TBC1D9: variants seen among roughly 807,000 people sequenced by gnomAD.
The protein encoded by TBC1D9 is TBC1 domain family member 9, also known as TBC1 domain family member 9A.
In TBC1D9, 63 loss-of-function variants were observed where a neutral mutation model predicts 132.0. The ratio of observed to expected loss-of-function variants is 0.48; its 90% CI spans 0.39 to 0.59. TBC1D9 has a LOEUF of 0.59. TBC1D9 is among the 20% of genes least tolerant of loss of function. The pLI, the probability that TBC1D9 is intolerant of heterozygous loss-of-function variation, is 0.00. For missense variants in TBC1D9, 1,261 were observed against 1,592.7 expected (o/e 0.79, Z 3.54); for synonymous variants, 610 against 609.9 (o/e 1.00, Z 0.00).
At chr4:140,721,302 G>A (rs1375142490) in intron 1 of TBC1D9, among the ~76,000 whole-genome samples, 1 of 152,130 alleles carries the variant, frequency 6.6e-6, no homozygotes, top group Non-Finnish European at 1.5e-5. Flanking sequence ...AGCTAACAGT[G>A]GTGACCTTAC....
At chr4:140,642,953 C>T (rs1042542234) in intron 13 of TBC1D9, 2 of 642,290 alleles carry the variant, frequency 3.1e-6, no homozygotes, top group Non-Finnish European at 5.4e-6. Flanking sequence ...GCTGCTTCTC[C>T]TTGTACTGGT....
intron 13 of TBC1D9, chr4:140,643,016 C>G: frequency 1.2e-6 from 1 of 855,780 alleles, no homozygotes; most frequent in Admixed American, 2.6e-5. Context: ...CGTCCATGTC[C>G]TCCACGGAGG....
chr4:140,642,373 TG>T (rs1737016618), intron 13 of TBC1D9: 3 of 844,158 alleles, frequency 3.6e-6, no homozygotes, highest in Non-Finnish European at 4.0e-6. Context: ...TTACCTTCTC[TG>T]GAAGATTTCA....
At chr4:140,668,774 C>T (rs1737487360) in intron 9 of TBC1D9, 143 bp downstream of exon 9, 1 of 860,960 alleles carries the variant, frequency 1.2e-6, no homozygotes, top group Non-Finnish European at 1.7e-6. Context: ...AACTTCAATA[C>T]TCTGGTGAGG....
chr4:140,712,940 G>A (rs1246794252), intron 1 of TBC1D9, among the ~76,000 whole-genome samples: 1 of 152,078 alleles, frequency 6.6e-6, no homozygotes, highest in East Asian at 1.9e-4. Context: ...ACCGGTTACA[G>A]GGAGAAGGCC....
chr4:140,724,073 A>G (rs1159753529), intron 1 of TBC1D9, among the ~76,000 whole-genome samples: 1 of 152,178 alleles, frequency 6.6e-6, no homozygotes, highest in African/African-American at 2.4e-5. Flanking sequence ...CTTCTCAACT[A>G]TTGAGGTGGC....
intron 1 of TBC1D9, among the ~76,000 whole-genome samples, chr4:140,708,780 G>GT (rs1348893022): frequency 6.6e-6 from 1 of 152,188 alleles, no homozygotes; most frequent in African/African-American, 2.4e-5. Context: ...TGTTCTATGG[G>GT]TAAGGAGGTG....
chr4:140,729,818 C>CAAAA (rs35283552), intron 1 of TBC1D9, among the ~76,000 whole-genome samples: 946 of 51,804 alleles, frequency 0.018, 143 homozygotes, highest in African/African-American at 0.039. Context: ...GATTCCATCT[C>CAAAA]AAAAAAAAAA....
chr4:140,718,285 T>C (rs956173254), intron 1 of TBC1D9, among the ~76,000 whole-genome samples: 6 of 151,670 alleles, frequency 4.0e-5, no homozygotes, highest in Non-Finnish European at 7.4e-5. Context: ...CTATGCACAT[T>C]GGGAGGTGAC....
intron 1 of TBC1D9, among the ~76,000 whole-genome samples, chr4:140,730,670 G>C (rs1200328938): frequency 6.6e-6 from 1 of 152,140 alleles, no homozygotes; most frequent in African/African-American, 2.4e-5. Flanking sequence ...GGGTTGTAAT[G>C]AGCCTAGATC....
chr4:140,720,573 G>C (rs1315153925), intron 1 of TBC1D9, among the ~76,000 whole-genome samples: 4 of 152,222 alleles, frequency 2.6e-5, no homozygotes, highest in African/African-American at 7.2e-5. Flanking sequence ...AACTGTCCAA[G>C]CCAGTCTATT....
intron 13 of TBC1D9, chr4:140,642,715 C>A: frequency 3.0e-6 from 2 of 658,096 alleles, no homozygotes; most frequent in East Asian, 2.5e-5. Context: ...CCTCCTTGGG[C>A]CCTTTGTGTC....
At chr4:140,665,623 T>C (rs1243267816) in intron 9 of TBC1D9, among the ~76,000 whole-genome samples, 1 of 152,108 alleles carries the variant, frequency 6.6e-6, no homozygotes, top group Admixed American at 6.5e-5. Flanking sequence ...CAGGTGTCCA[T>C]AAAAAAACCT....
chr4:140,661,064 G>A (rs1409648566), intron 10 of TBC1D9, among the ~76,000 whole-genome samples: 7 of 152,004 alleles, frequency 4.6e-5, no homozygotes, highest in Non-Finnish European at 7.4e-5. Flanking sequence ...ACAGGCACCT[G>A]CCACCACGCC....
intron 10 of TBC1D9, among the ~76,000 whole-genome samples, chr4:140,661,504 A>G (rs912912876): frequency 4.6e-5 from 7 of 152,196 alleles, no homozygotes; most frequent in Non-Finnish European, 8.8e-5. Flanking sequence ...TGAGGCAGAC[A>G]GTGATCAGAA....
At chr4:140,739,802 A>T (rs774631720) in intron 1 of TBC1D9, among the ~76,000 whole-genome samples, 1 of 152,226 alleles carries the variant, frequency 6.6e-6, no homozygotes, top group Non-Finnish European at 1.5e-5. Context: ...CAGGAGTTCA[A>T]GACCAGCCTA....
At chr4:140,731,214 T>C (rs527373396) in intron 1 of TBC1D9, among the ~76,000 whole-genome samples, 29 of 152,306 alleles carry the variant, frequency 1.9e-4, no homozygotes, top group Middle Eastern at 3.4e-3. Context: ...TGCAGCACAA[T>C]GATGATGGTA....
rs1739010196 is a variant in TBC1D9, at chr4:140,756,086, G to A, written c.-41C>T. 1 of 1,580,964 alleles carries A rather than the reference G, an allele frequency of 6.3e-7. No homozygotes were observed. The highest frequency in any genetic ancestry group is 2.3e-5 in the East Asian group (1 of 43,456). Reference sequence around the variant, plus strand: ...GGGCGGGCGCACAATGGGCCCGTGGGTCCAGTCCTGCACCCACCACCGCGA... The same window carrying A: ...GGGCGGGCGCACAATGGGCCCGTGGATCCAGTCCTGCACCCACCACCGCGA... On this transcript the variant is annotated 5_prime_UTR_variant, in exon 1 of 21. Coordinates refer to ENST00000442267, the MANE Select transcript of TBC1D9 (RefSeq NM_015130.3). This position sits in a 1 kb window ranked among gnomAD's most constrained non-coding sequence, Gnocchi z 5.6.
At chr4:140,670,174 C>T (rs1218586045) in intron 7 of TBC1D9, among the ~76,000 whole-genome samples, 1 of 152,142 alleles carries the variant, frequency 6.6e-6, no homozygotes, top group African/African-American at 2.4e-5. Context: ...CAAAAATGTC[C>T]ACATAAGCTT....
Sources: gnomAD v4.1 joint callset for allele counts (sites outside exome capture counted in the v4.1 genomes callset) on GRCh38, gnomAD v4.1.1 for gene constraint, Gnocchi (gnomAD v3.1) non-coding constraint, MANE v1.5 for transcripts, NCBI Gene and HGNC (gene_info 2026-07-23, HGNC 2026-07-21) for gene names.